TENM2: variants seen among roughly 807,000 people sequenced by gnomAD.
TENM2 encodes teneurin-2.
TENM2 carries 52 observed loss-of-function variants against 245.2 expected under a neutral mutation model. That is an observed-to-expected ratio of 0.21 (90% CI 0.17 to 0.27). The LOEUF (loss-of-function observed/expected upper bound fraction) is 0.27. Ranked by LOEUF, TENM2 falls within the 10% of genes least tolerant of loss-of-function variation. The pLI is 1.00. For synonymous variants in TENM2, 1,363 were observed against 1,438.9 expected (o/e 0.95, Z 1.19); for missense variants, 3,046 against 3,666.8 (o/e 0.83, Z 4.37).
chr5:167,445,369 A>AGAGAGAGATATAGAGAGT (rs35699708), intron 2 of TENM2, among the ~76,000 whole-genome samples: 1 of 98,578 alleles, frequency 1.0e-5, no homozygotes. Context: ...AGAGAGAGAG[A>AGAGAGAGATATAGAGAGT]GTGTCAGGTG....
chr5:168,262,329 G>A lies in TENM2; in HGVS notation c.7844G>A (p.Gly2615Asp), dbSNP rs1227564220. Residue 2615 changes from glycine (G) to aspartate (D), a missense_variant, in exon 29 of 29, where the codon GGC becomes GAC. Coordinates refer to ENST00000518659, the Ensembl canonical transcript of TENM2. The stretch of plus-strand genomic sequence containing the variant: ...GACAAGATGCACTACAGCATCGAGG[G>A]CAAGGACACCCACTACTTTGTGAAG... The A allele has an allele frequency of 5.6e-6, 9 of 1,609,810 alleles. No homozygotes were observed. In the South Asian group the frequency reaches 1.0e-4, roughly 18 times the overall value.
intron 4 of TENM2, among the ~76,000 whole-genome samples, chr5:167,968,967 C>A (rs1409955245): frequency 6.6e-6 from 1 of 152,210 alleles, no homozygotes; most frequent in African/African-American, 2.4e-5. Context: ...CTCTCAGAAT[C>A]CATACAAGGA....
chr5:167,431,956 T>C (rs1401970894), intron 2 of TENM2, among the ~76,000 whole-genome samples: 3 of 54,790 alleles, frequency 5.5e-5, no homozygotes, highest in Admixed American at 2.4e-4. Flanking sequence ...TATGTATATA[T>C]ATATGTATAT....
At chr5:167,399,370 C>T (rs1279854099) in intron 2 of TENM2, among the ~76,000 whole-genome samples, 1 of 152,190 alleles carries the variant, frequency 6.6e-6, no homozygotes, top group African/African-American at 2.4e-5. Flanking sequence ...AGCCCAACTG[C>T]AGGCTGTAGT....
exon 3 of TENM2, chr5:167,876,006 T>A: frequency 6.4e-7 from 1 of 1,551,198 alleles, no homozygotes. Flanking sequence ...TCCACCTACA[T>A]CCTCGCCTAG....
intron 12 of TENM2, among the ~76,000 whole-genome samples, 183 bp downstream of exon 14, chr5:168,127,149 G>T (rs1033856962): frequency 6.6e-6 from 1 of 152,136 alleles, no homozygotes; most frequent in Non-Finnish European, 1.5e-5. Flanking sequence ...TTCTTTCCAG[G>T]ATTCCGAGTT....
At chr5:167,322,213 GTT>G (rs70976410) in intron 1 of TENM2, among the ~76,000 whole-genome samples, 61,612 of 146,016 alleles carry the variant, frequency 0.42, 12,834 homozygotes, top group East Asian at 0.5. Context: ...AAAAATATTT[GTT>G]TTTTTTTTTT....
At chr5:168,213,366 T>C (rs1306356585) in intron 20 of TENM2, among the ~76,000 whole-genome samples, 1 of 152,188 alleles carries the variant, frequency 6.6e-6, no homozygotes, top group Non-Finnish European at 1.5e-5. Context: ...CTAGTTCTTT[T>C]CTTTTTTTTC....
chr5:168,211,392 CT>C (rs1281027438), intron 19 of TENM2, among the ~76,000 whole-genome samples: 1 of 152,268 alleles, frequency 6.6e-6, no homozygotes, highest in African/African-American at 2.4e-5. Flanking sequence ...GTGGCCATTA[CT>C]GGCCAACACA....
chr5:167,314,863 G>T (rs2127760543), intron 1 of TENM2, among the ~76,000 whole-genome samples: 1 of 151,848 alleles, frequency 6.6e-6, no homozygotes, highest in Non-Finnish European at 1.5e-5. Flanking sequence ...TTTCACTGAA[G>T]TACTTATCTA....
chr5:167,497,954 C>T (rs928555708), intron 2 of TENM2, among the ~76,000 whole-genome samples: 1 of 152,046 alleles, frequency 6.6e-6, no homozygotes, highest in Non-Finnish European at 1.5e-5. Context: ...CCATCTGGTA[C>T]ACCTCTAATC....
At chr5:167,565,001 A>C (rs927908156) in intron 2 of TENM2, among the ~76,000 whole-genome samples, 2 of 152,250 alleles carry the variant, frequency 1.3e-5, no homozygotes, top group Non-Finnish European at 2.9e-5. Flanking sequence ...AGCATAAGGA[A>C]CTGCCACAGG....
At chr5:167,012,307 A>G in the TENM2 span, among the ~76,000 whole-genome samples, 1 of 152,180 alleles carries the variant, frequency 6.6e-6, no homozygotes, top group Non-Finnish European at 1.5e-5. Flanking sequence ...GGAACATTTC[A>G]GGCATGCCAT....
chr5:167,730,425 C>G lies in TENM2; in HGVS notation c.503-145561C>G, dbSNP rs1760339684. On this transcript the variant is annotated intron_variant, in intron 2 of 28. Transcript: ENST00000518659. ...AGGAGAGGCCCACATTTGAGTTTAT[C>G]TGTAAACACCCGTTTTTGGTGTCAT... Among the ~76,000 whole-genome samples the G allele has an allele frequency of 2.6e-5, 4 of 152,166 alleles. No individual in the cohort carries two copies. In the South Asian group the frequency reaches 8.3e-4, roughly 32 times the overall value.
chr5:167,445,334 T>TAGAGAGAGAGAGAGAGAGAG (rs1380778783), intron 2 of TENM2, among the ~76,000 whole-genome samples: 47 of 86,296 alleles, frequency 5.4e-4, no homozygotes, highest in Non-Finnish European at 8.4e-4. Flanking sequence ...TATATATATA[T>TAGAGAGAGAGAGAGAGAGAG]ATAGAGAGAG....
the TENM2 span, among the ~76,000 whole-genome samples, chr5:167,172,351 G>A: frequency 6.6e-6 from 1 of 152,150 alleles, no homozygotes; most frequent in South Asian, 2.1e-4. Flanking sequence ...TGATGGAAAA[G>A]GCATCTCATT....
At chr5:168,216,999 G>A in intron 22 of TENM2, 77 bp downstream of exon 24, 1 of 1,526,784 alleles carries the variant, frequency 6.5e-7, no homozygotes, top group Middle Eastern at 2.0e-4. Flanking sequence ...TTCCTGTTTG[G>A]TTTGGAAGTG....
intron 2 of TENM2, among the ~76,000 whole-genome samples, chr5:167,609,901 A>T (rs944827977): frequency 2.0e-5 from 3 of 152,044 alleles, no homozygotes; most frequent in African/African-American, 7.2e-5. Context: ...TTCAATTCCA[A>T]TGCTATCTAC....
chr5:167,485,876 C>G (rs949685285), intron 2 of TENM2, among the ~76,000 whole-genome samples: 9 of 152,230 alleles, frequency 5.9e-5, no homozygotes, highest in African/African-American at 2.2e-4. Flanking sequence ...AAAACCTATA[C>G]AAACCTAGGT....
Sources: allele counts gnomAD v4.1 joint callset (sites outside exome capture counted in the v4.1 genomes callset), GRCh38; gene constraint gnomAD v4.1.1; transcripts MANE v1.5; gene names NCBI Gene and HGNC (gene_info 2026-07-23, HGNC 2026-07-21).